Variants in MRPL32 observed in about 807,000 individuals in gnomAD.
MRPL32 encodes mitochondrial ribosomal protein L32.
MRPL32 carries 14 observed loss-of-function variants against 21.7 expected under a neutral mutation model. That is an observed-to-expected ratio of 0.64 (90% CI 0.43 to 1.01). The LOEUF is 1.01. MRPL32 is among the 50% of genes least tolerant of loss of function. The pLI is 0.00. For missense variants in MRPL32, 211 were observed against 235.9 expected (o/e 0.89, Z 0.69); for synonymous variants, 83 against 87.7 (o/e 0.95, Z 0.30).
chr7:42,937,686 A>T lies in MRPL32; in HGVS notation c.*110A>T, dbSNP rs1336610538. 1.7e-6 allele frequency: 2 copies of T among 1,165,506 alleles called. No individual in the cohort carries two copies. Among genetic ancestry groups the T allele is most frequent in the East Asian group, 5.1e-5 (2 of 39,076 alleles). The allele number at this position is 1,165,506 out of a possible 1,614,324, so 72.2% of individuals were successfully genotyped here. ...TTAAATCATCAGTATAGTTTAACAC[A>T]TTCTTTCTAAGCAGTTTTGTGTGGG... On this transcript the variant is annotated 3_prime_UTR_variant, in exon 3 of 3. Transcript: ENST00000223324.
At chr7:42,937,182 G>A (rs755158498) in intron 2 of MRPL32, 140 bp from the exon 3 acceptor site, 3 of 1,561,000 alleles carry the variant, frequency 1.9e-6, no homozygotes, top group African/African-American at 1.4e-5. Flanking sequence ...TTAAAGTGAG[G>A]TGGAACTAGA....
intron 1 of MRPL32, among the ~76,000 whole-genome samples, chr7:42,932,790 C>T (rs1411650254): frequency 6.6e-6 from 1 of 151,750 alleles, no homozygotes; most frequent in Non-Finnish European, 1.5e-5. Context: ...CATAGCCAGC[C>T]AGTAAGTAAA....
At position 42,937,498 on chromosome 7, in the gene MRPL32, G is replaced by A; in HGVS notation, c.489G>A (p.Glu163=). The A allele has an allele frequency of 1.2e-6, 2 of 1,614,040 alleles. No homozygotes were observed. Among genetic ancestry groups the A allele is most frequent in the Admixed American group, 1.7e-5 (1 of 59,976 alleles). The stretch of plus-strand genomic sequence containing the variant: ...AGACTGTGGTGCTGTACACGGGAGA[G>A]ACACCGTCTGAACAAGATCAGGGCA... ...TIETVVLYTG[E]TPSEQDQGKR... is the part of the protein sequence containing the mutation. Residue 163 remains glutamate, a synonymous_variant, in exon 3 of 3, where the codon GAG becomes GAA. Coordinates refer to ENST00000223324, the MANE Select transcript of MRPL32 (RefSeq NM_031903.3).
intron 2 of MRPL32, chr7:42,936,258 A>G (rs615770): frequency 0.89 from 135,987 of 152,258 alleles, 60,933 homozygotes; most frequent in East Asian, 1. Context: ...TTTATTCTGA[A>G]GGAATAGTTC....
intron 2 of MRPL32, 197 bp from the exon 3 acceptor site, chr7:42,937,124 AG>A (rs1786437956): frequency 1.0e-5 from 14 of 1,366,470 alleles, no homozygotes; most frequent in Non-Finnish European, 1.3e-5. Context: ...TTCTAGTTCT[AG>A]TTTTTCTCTA....
At chr7:42,937,169 C>T (rs1466192511) in intron 2 of MRPL32, 153 bp from the exon 3 acceptor site, 7 of 1,545,982 alleles carry the variant, frequency 4.5e-6, no homozygotes, top group Non-Finnish European at 6.1e-6. Flanking sequence ...TTCAGTCTTC[C>T]TGTTAAAGTG....
intron 1 of MRPL32, among the ~76,000 whole-genome samples, chr7:42,934,595 C>T (rs1209722948): frequency 1.3e-5 from 2 of 152,188 alleles, no homozygotes; most frequent in Non-Finnish European, 2.9e-5. Flanking sequence ...TAATCAGGTA[C>T]TTACTACCCG....
intron 1 of MRPL32, 128 bp downstream of exon 1, chr7:42,932,644 T>G: frequency 1.0e-6 from 1 of 986,150 alleles, no homozygotes; most frequent in African/African-American, 1.7e-5. Flanking sequence ...GGGACGTAGT[T>G]CGTGACATTC....
At chr7:42,936,547 T>C (rs1018753905) in intron 2 of MRPL32, 1 of 152,086 alleles carries the variant, frequency 6.6e-6, no homozygotes, top group Admixed American at 6.5e-5. Context: ...TGTTTAAAGC[T>C]TCTTTAATGA....
intron 1 of MRPL32, among the ~76,000 whole-genome samples, chr7:42,934,253 G>A (rs971697220): frequency 2.7e-5 from 3 of 112,712 alleles, no homozygotes; most frequent in Admixed American, 9.7e-5. Context: ...GAGTGACAGA[G>A]TGAGACTCAG....
chr7:42,934,612 A>G (rs575344729), intron 1 of MRPL32, among the ~76,000 whole-genome samples: 1 of 152,358 alleles, frequency 6.6e-6, no homozygotes, highest in African/African-American at 2.4e-5. Context: ...CCCGCCAAGT[A>G]TTAATAGAAT....
intron 1 of MRPL32, among the ~76,000 whole-genome samples, chr7:42,934,368 G>T (rs970468935): frequency 1.3e-5 from 2 of 152,068 alleles, no homozygotes; most frequent in Non-Finnish European, 2.9e-5. Flanking sequence ...AACTTTGATA[G>T]TCACATAAAT....
intron 2 of MRPL32, 30 bp downstream of exon 2, chr7:42,935,166 TTCC>T: frequency 1.3e-6 from 2 of 1,583,192 alleles, no homozygotes; most frequent in South Asian, 1.1e-5. Context: ...GGGTGTGCTT[TTCC>T]TCAAGTCCTC....
intron 1 of MRPL32, among the ~76,000 whole-genome samples, chr7:42,933,130 A>G (rs901516967): frequency 6.6e-6 from 1 of 152,168 alleles, no homozygotes; most frequent in African/African-American, 2.4e-5. Flanking sequence ...TGCAAGGGAT[A>G]CGTATTTACA....
chr7:42,932,535 C>G lies in MRPL32; in HGVS notation c.130+19C>G. 6.3e-7 allele frequency: 1 copy of G among 1,577,372 alleles called. No homozygotes were observed. The highest frequency in any genetic ancestry group is 8.7e-7 in the Non-Finnish European group (1 of 1,155,416). On this transcript the variant is annotated intron_variant, in intron 1 of 2. Coordinates refer to ENST00000223324, the MANE Select transcript of MRPL32 (RefSeq NM_031903.3). Reference sequence around the variant, plus strand: ...CCGTGGGGTAGGTAAAGAAGGGCTCCGTGGGAGAGGGGGCTGATGACGGGA... The same window carrying G: ...CCGTGGGGTAGGTAAAGAAGGGCTCGGTGGGAGAGGGGGCTGATGACGGGA...
At chr7:42,937,065 A>G in intron 2 of MRPL32, 1 of 687,552 alleles carries the variant, frequency 1.5e-6, no homozygotes, top group South Asian at 1.5e-5. Flanking sequence ...TTTTTACATA[A>G]CTACAACTGC....
rs144166581 is a variant in MRPL32, at chr7:42,935,096, G to A, written c.272G>A (p.Arg91Gln). 15 of 1,613,592 alleles carry A rather than the reference G, an allele frequency of 9.3e-6. No individual in the cohort carries two copies. Among genetic ancestry groups the A allele is most frequent in the Middle Eastern group, 1.7e-4 (1 of 6,060 alleles). The change falls in exon 2 of 3, where the codon CGG (arginine) becomes CAG (glutamine). Residue 91 changes from arginine to glutamine, a missense_variant. Physicochemically the swap from Arg to Gln is conservative, Grantham distance 43. Transcript: ENST00000223324. ...PKNRRTIEVN[R>Q]CRRRNPQKLI... is the part of the protein sequence containing the mutation. ...AATAGACGCACCATTGAAGTTAACCGGTGTAGGAGAAGAAATCCGCAGAAG... is the reference window on the plus strand; with the variant it reads ...AATAGACGCACCATTGAAGTTAACCAGTGTAGGAGAAGAAATCCGCAGAAG...
intron 1 of MRPL32, among the ~76,000 whole-genome samples, chr7:42,932,943 T>C: frequency 6.6e-6 from 1 of 151,366 alleles, no homozygotes. Context: ...CAGAGAAGTG[T>C]AGTATAGTGA....
chr7:42,937,521 G>A lies in MRPL32; in HGVS notation c.512G>A (p.Gly171Asp), dbSNP rs760671056. Residue 171 changes from glycine (G) to aspartate (D), a missense_variant, in exon 3 of 3, where the codon GGC (glycine) becomes GAC (aspartate). Physicochemically the swap from Gly to Asp is moderately conservative, Grantham distance 94 (BLOSUM62 -1). This residue lies in a region of MRPL32 where 130 missense variants were observed against 180.1 expected (regional missense o/e 0.72). Transcript: ENST00000223324. ...GAGACACCGTCTGAACAAGATCAGG[G>A]CAAGAGGATCATTGAACGAGACAGA... ...TGETPSEQDQ[G>D]KRIIERDRKR... 1.2e-6 allele frequency: 2 copies of A among 1,613,746 alleles called. No homozygotes were observed. The highest frequency in any genetic ancestry group is 1.3e-5 in the African/African-American group (1 of 74,882).
Sources: gnomAD v4.1 joint callset for allele counts (sites outside exome capture counted in the v4.1 genomes callset) on GRCh38, gnomAD v4.1.1 for gene constraint, gnomAD v4.1.1 regional missense constraint, MANE v1.5 for transcripts, NCBI Gene and HGNC (gene_info 2026-07-23, HGNC 2026-07-21) for gene names.